RC3H2: variants seen among roughly 807,000 people sequenced by gnomAD.
RC3H2 encodes ring finger and CCCH-type domains 2.
A neutral mutation model predicts 133.3 loss-of-function variants in RC3H2; 31 were observed. The ratio of observed to expected loss-of-function variants is 0.23; its 90% CI spans 0.17 to 0.31. The LOEUF is 0.31. RC3H2 is among the 10% of genes least tolerant of loss of function. The pLI is 1.00. For synonymous variants in RC3H2, 517 were observed against 502.2 expected, an observed-to-expected ratio of 1.03 and a Z score of -0.40; for missense variants, 1,175 against 1,437.2, an observed-to-expected ratio of 0.82 and a Z score of 2.95.
chr9:122,853,977 T>G lies in RC3H2; in HGVS notation c.3092A>C (p.Lys1031Thr), dbSNP rs1830150360. The G allele has an allele frequency of 6.2e-7, 1 of 1,614,128 alleles. No homozygotes were observed. Among genetic ancestry groups the G allele is most frequent in the Non-Finnish European group, 8.5e-7 (1 of 1,180,052 alleles). The change falls in exon 18 of 21, where the codon AAG becomes ACG. Residue 1031 changes from lysine to threonine, a missense_variant. By Grantham distance (78) the Lys-to-Thr change is moderately conservative (BLOSUM62 -1). Transcript: ENST00000357244. ...CTCTCCATTTCTTAGTTCAATTTCC[T>G]TGCTTAAAAGGTTTAAGGTAAGGTG... ...GRHLTLNLLS[K>T]EIELRNGELQ...
Position 122,890,522 on chromosome 9 carries a change from C to T in RC3H2, c.373G>A (p.Ala125Thr), listed in dbSNP as rs1773581483. The T allele has an allele frequency of 6.2e-7, 1 of 1,613,166 alleles. No homozygotes were observed. Among genetic ancestry groups the T allele is most frequent in the African/African-American group, 1.3e-5 (1 of 74,898 alleles). Reference sequence around the variant, plus strand: ...TTCCTTTGCATTGGACGGCTCAGTGCACTCTGGTTCAAGCTAGCTACACCT... The same window carrying T: ...TTCCTTTGCATTGGACGGCTCAGTGTACTCTGGTTCAAGCTAGCTACACCT... ...GKGVASLNQS[A>T]LSRPMQRKLV... The change falls in exon 4 of 21, where the codon GCA (alanine) becomes ACA (threonine). Residue 125 changes from alanine (A) to threonine (T), a missense_variant. Physicochemically the swap from Ala to Thr is moderately conservative, Grantham distance 58 (BLOSUM62 0). This residue lies in a region of RC3H2 where 121 missense variants were observed against 243.5 expected (regional missense o/e 0.50). Transcript: ENST00000357244.
rs371837514 is a variant in RC3H2, at chr9:122,851,153, T to C, written c.3308A>G (p.His1103Arg). 1.9e-6 allele frequency: 3 copies of C among 1,614,132 alleles called. No individual in the cohort carries two copies. The highest frequency in any genetic ancestry group is 2.7e-5 in the African/African-American group (2 of 74,954). The change falls in exon 20 of 21, where the codon CAT (histidine) becomes CGT (arginine). Residue 1103 changes from histidine to arginine, a missense_variant. This residue lies in a region of RC3H2 where 220 missense variants were observed against 201.1 expected (regional missense o/e 1.09). Transcript: ENST00000357244. ...CTCCTTTTGGTGCTGCTGTACTGGA[T>C]GCCCATTTTCCACTGCCATTCCATT... Reference protein sequence around the residue: ...LLNGMAVENGHPVQQHQKEPP... With the variant: ...LLNGMAVENGRPVQQHQKEPP...
At chr9:122,901,586 C>CTTTT (rs11309716) in intron 1 of RC3H2, among the ~76,000 whole-genome samples, 45 of 119,982 alleles carry the variant, frequency 3.8e-4, no homozygotes, top group Non-Finnish European at 5.1e-4. Flanking sequence ...CCAATGCATT[C>CTTTT]TTTTTTTTTT....
At chr9:122,851,261 GAA>G (rs1459393454) in intron 19 of RC3H2, 32 bp from the exon 20 acceptor site, 2 of 1,611,842 alleles carry the variant, frequency 1.2e-6, no homozygotes, top group Non-Finnish European at 1.7e-6. Context: ...CCTTCAGTAT[GAA>G]AGTATTTTAT....
intron 10 of RC3H2, among the ~76,000 whole-genome samples, chr9:122,863,960 C>A (rs565790020): frequency 6.6e-6 from 1 of 152,294 alleles, no homozygotes; most frequent in Middle Eastern, 3.4e-3. Context: ...TGGTCTTGAA[C>A]GCCCAACCTC....
In RC3H2 at chr9:122,851,349, G is replaced by A; in HGVS notation, c.3205C>T (p.Pro1069Ser). The A allele has an allele frequency of 6.2e-7, 1 of 1,614,092 alleles. No individual in the cohort carries two copies. The highest frequency in any genetic ancestry group is 8.5e-7 in the Non-Finnish European group (1 of 1,179,986). ...TCAATTGGTTCACTTTGTCCATCAG[G>A]TTCATCAGTATCAAGTGCTGAAAGC... ...LELSALDTDE[P>S]DGQSEPIEEI... The change falls in exon 19 of 21, where the codon CCT becomes TCT. Residue 1069 changes from proline (P) to serine (S), a missense_variant. Pro to Ser is a moderately conservative substitution (Grantham distance 74, BLOSUM62 -1). Transcript: ENST00000357244.
intron 9 of RC3H2, among the ~76,000 whole-genome samples, chr9:122,876,694 G>A (rs560323368): frequency 6.6e-6 from 1 of 151,274 alleles, no homozygotes; most frequent in Admixed American, 6.6e-5. Context: ...ATTTTTTGGT[G>A]AGGTCTCAAA....
At chr9:122,888,494 T>G (rs1832028198) in intron 4 of RC3H2, among the ~76,000 whole-genome samples, 1 of 152,214 alleles carries the variant, frequency 6.6e-6, no homozygotes, top group South Asian at 2.1e-4. Flanking sequence ...TCTTCTATTT[T>G]TTTGCCATTG....
intron 9 of RC3H2, among the ~76,000 whole-genome samples, chr9:122,868,792 C>T (rs1830884616): frequency 2.0e-5 from 3 of 149,254 alleles, no homozygotes; most frequent in African/African-American, 5.0e-5. Flanking sequence ...TCTATGTATA[C>T]ACCAAAATTT....
At position 122,844,844 on chromosome 9, in the gene RC3H2, G is replaced by C. The variant is rs1829834576; in HGVS notation, c.*4783C>G. 2 of 151,868 alleles carry C rather than the reference G, an allele frequency of 1.3e-5. No individual in the cohort carries two copies. Among genetic ancestry groups the C allele is most frequent in the Non-Finnish European group, 2.9e-5 (2 of 68,020 alleles). The allele number at this position is 151,868 out of a possible 1,614,324, so 9.4% of individuals were successfully genotyped here. Reference sequence around the variant, plus strand: ...TAATCCTATTCCTATAGCACAAAGGGAAACATTACAATTTGGAAATTCAAA... The same window carrying C: ...TAATCCTATTCCTATAGCACAAAGGCAAACATTACAATTTGGAAATTCAAA... On this transcript the variant is annotated 3_prime_UTR_variant, in exon 21 of 21. Transcript: ENST00000357244.
At chr9:122,898,211 C>G (rs1183319821) in intron 1 of RC3H2, 1 of 152,156 alleles carries the variant, frequency 6.6e-6, no homozygotes, top group Non-Finnish European at 1.5e-5. Context: ...AAGACTAATG[C>G]TGACCACAAC....
intron 4 of RC3H2, 140 bp downstream of exon 4, chr9:122,890,172 C>A (rs371825609): frequency 1.6e-4 from 112 of 712,488 alleles, no homozygotes; most frequent in African/African-American, 1.2e-3. Context: ...ACAACAACAA[C>A]AAAAACAAAT....
chr9:122,890,898 CCT>C (rs1242204552), intron 3 of RC3H2, among the ~76,000 whole-genome samples: 1 of 151,984 alleles, frequency 6.6e-6, no homozygotes, highest in African/African-American at 2.4e-5. Context: ...TCAAATTTTC[CCT>C]CTTTACTTGA....
chr9:122,872,710 C>T (rs1222676790), intron 9 of RC3H2, among the ~76,000 whole-genome samples: 2 of 152,146 alleles, frequency 1.3e-5, no homozygotes, highest in Admixed American at 1.3e-4. Context: ...TCAGCCTCCC[C>T]AGTAGCTGGG....
chr9:122,887,575 G>C (rs1218470455), intron 4 of RC3H2, among the ~76,000 whole-genome samples: 1 of 152,020 alleles, frequency 6.6e-6, no homozygotes, highest in Admixed American at 6.6e-5. Flanking sequence ...ATATATGAAA[G>C]CCCATAATCT....
At chr9:122,884,220 G>T (rs61167274) in intron 4 of RC3H2, among the ~76,000 whole-genome samples, 34,229 of 151,880 alleles carry the variant, frequency 0.23, 5,226 homozygotes, top group East Asian at 0.65. Context: ...ATGAACCTGG[G>T]AGGTGGAGCT....
chr9:122,880,435 C>A, intron 6 of RC3H2, 159 bp downstream of exon 6: 1 of 702,666 alleles, frequency 1.4e-6, no homozygotes, highest in Non-Finnish European at 2.3e-6. Flanking sequence ...CTTTATTTTG[C>A]AAGTAGAAAA....
At position 122,855,745 on chromosome 9, in the gene RC3H2, T is replaced by C; in HGVS notation, c.2588A>G (p.Asn863Ser). The change falls in exon 14 of 21, where the codon AAT becomes AGT. Residue 863 changes from asparagine to serine, a missense_variant. Asn to Ser is a conservative substitution (Grantham distance 46). Around this residue, in one of 8 missense-constraint regions of RC3H2, gnomAD observed 138 missense variants for 215.0 expected, o/e 0.64. Coordinates refer to ENST00000357244, the MANE Select transcript of RC3H2 (RefSeq NM_001100588.3). The stretch of plus-strand genomic sequence containing the variant: ...GCAAAATCATACCATTAACACAGCA[T>C]TTGAATTAGCAATGACATCTTTGGG... ...SEPKDVIANS[N>S]AVLMDLDSGD... 6.2e-7 allele frequency: 1 copy of C among 1,612,880 alleles called. No homozygotes were observed. Among genetic ancestry groups the C allele is most frequent in the African/African-American group, 1.3e-5 (1 of 74,988 alleles).
intron 20 of RC3H2, among the ~76,000 whole-genome samples, 164 bp downstream of exon 20, chr9:122,850,917 G>T (rs1829996038): frequency 6.6e-6 from 1 of 152,162 alleles, no homozygotes; most frequent in African/African-American, 2.4e-5. Flanking sequence ...GGACTGCTTT[G>T]TTAGTTCAAT....
Sources: allele counts gnomAD v4.1 joint callset (sites outside exome capture counted in the v4.1 genomes callset), GRCh38; gene constraint gnomAD v4.1.1; regional missense constraint gnomAD v4.1.1; transcripts MANE v1.5; gene names NCBI Gene and HGNC (gene_info 2026-07-23, HGNC 2026-07-21).